The following DCHS2 variants were observed in gnomAD, a reference collection of about 807,000 sequenced individuals.
DCHS2 encodes protocadherin-23.
DCHS2 carries 142 observed loss-of-function variants against 182.4 expected under a neutral mutation model. The observed-to-expected ratio is 0.78, with a 90% CI of 0.68 to 0.89. DCHS2 has a LOEUF of 0.89. DCHS2 is among the 40% of genes least tolerant of loss of function. The probability of loss-of-function intolerance (pLI) is 0.00; values close to 1 mark genes in which losing one functional copy is unlikely to be tolerated. For missense variants in DCHS2, 4,319 were observed against 4,198.6 expected (o/e 1.03, Z -0.79); for synonymous variants, 1,740 against 1,663.3 (o/e 1.05, Z -1.12).
At chr4:154,431,409 T>C (rs1204354736) in intron 1 of DCHS2, among the ~76,000 whole-genome samples, 1 of 152,122 alleles carries the variant, frequency 6.6e-6, no homozygotes, top group African/African-American at 2.4e-5. Flanking sequence ...TAACATATAC[T>C]TTTCTCTTTT....
intron 16 of DCHS2, among the ~76,000 whole-genome samples, chr4:154,243,171 C>T (rs1298325825): frequency 6.6e-6 from 1 of 152,118 alleles, no homozygotes; most frequent in Non-Finnish European, 1.5e-5. Flanking sequence ...CTACATATTT[C>T]CATCTTACTG....
At chr4:154,412,479 C>T (rs1460890690) in intron 1 of DCHS2, among the ~76,000 whole-genome samples, 1 of 152,114 alleles carries the variant, frequency 6.6e-6, no homozygotes, top group Non-Finnish European at 1.5e-5. Context: ...AAGGATATCA[C>T]TCTGGACCCA....
At chr4:154,321,312 C>T (rs1736053930) in intron 8 of DCHS2, 90 bp from the exon 9 acceptor site, 3 of 1,304,318 alleles carry the variant, frequency 2.3e-6, no homozygotes, top group South Asian at 2.1e-5. Context: ...AAAGCAAATT[C>T]CTTCCATGTA....
chr4:154,333,211 G>A lies in DCHS2; in HGVS notation c.2997C>T (p.Tyr999=), dbSNP rs1189999039. The A allele has an allele frequency of 1.2e-6, 2 of 1,614,118 alleles. No homozygotes were observed. Among genetic ancestry groups the A allele is most frequent in the Admixed American group, 1.7e-5 (1 of 60,010 alleles). The change falls in exon 5 of 20, where the codon TAC becomes TAT. Residue 999 remains tyrosine (Y), a synonymous_variant. Coordinates refer to ENST00000357232, the MANE Select transcript of DCHS2 (RefSeq NM_001358235.2). ...SQTTPPGTAL[Y]LARAEDRDSG... ...TGTCTCTGTCTTCCGCACGTGCGAG[G>A]TACAAGGCTGTGCCAGGGGGCGTGG...
Position 154,333,013 on chromosome 4 carries a change from G to C in DCHS2, c.3195C>G (p.Ala1065=), listed in dbSNP as rs2111364428. The change falls in exon 5 of 20, where the codon GCC becomes GCG. Residue 1065 remains alanine (A), a synonymous_variant. Transcript: ENST00000357232. ...AEDQGVHPQA[A]LLVLTVVIEK... ...CGATAACGACTGTCAGCACCAGCAG[G>C]GCTGCCTGAGGATGCACGCCTTGGT... 1.9e-6 allele frequency: 3 copies of C among 1,614,170 alleles called. No individual in the cohort carries two copies. The East Asian group carries it at 6.7e-5, about 36-fold the overall frequency.
In DCHS2 at chr4:154,491,793, G is replaced by T; in HGVS notation, c.-438C>A. 2 of 989,738 alleles carry T rather than the reference G, an allele frequency of 2.0e-6. No homozygotes were observed. Among genetic ancestry groups the T allele is most frequent in the Non-Finnish European group, 2.4e-6 (2 of 833,100 alleles). 61.3% of individuals were successfully genotyped at this position (989,738 alleles called of 1,614,324 possible). A position where few individuals can be genotyped will look rare whatever the true frequency, so the allele number is the denominator to read the frequency against. On this transcript the variant is annotated 5_prime_UTR_variant, in exon 1 of 20. Coordinates refer to ENST00000357232, the MANE Select transcript of DCHS2 (RefSeq NM_001358235.2). ...GATGGGGATCTGGCCGGAGTAGGGG[G>T]TGGAGTAAGGGCGTGGAGGCAGGGA... is the stretch of plus-strand genomic sequence containing the variant.
chr4:154,349,805 T>C (rs1729525245), intron 3 of DCHS2, among the ~76,000 whole-genome samples: 1 of 152,216 alleles, frequency 6.6e-6, no homozygotes, highest in African/African-American at 2.4e-5. Context: ...AGTTGATGAA[T>C]ACTATTTAAT....
chr4:154,341,202 C>T (rs1018866110), intron 3 of DCHS2, among the ~76,000 whole-genome samples: 7 of 151,656 alleles, frequency 4.6e-5, no homozygotes, highest in Non-Finnish European at 8.8e-5. Flanking sequence ...CTCCGTCTCT[C>T]CTAAAAATAC....
chr4:154,421,840 T>A (rs1174097566), intron 1 of DCHS2, among the ~76,000 whole-genome samples: 1 of 152,220 alleles, frequency 6.6e-6, no homozygotes, highest in Admixed American at 6.5e-5. Flanking sequence ...CTCTTTCTAT[T>A]TTCTCACTTC....
rs116760263 is a variant in DCHS2 at position 154,307,796 on chromosome 4, C to G, written c.5261-2565G>C. ...TCTTTCCAGGTGTCCATAATCACCCCTCTTCCATTCAGGTCTCCTACCCGA... is the reference window on the plus strand; with the variant it reads ...TCTTTCCAGGTGTCCATAATCACCCGTCTTCCATTCAGGTCTCCTACCCGA... On this transcript the variant is annotated intron_variant, in intron 10 of 19. Coordinates refer to ENST00000357232, the MANE Select transcript of DCHS2 (RefSeq NM_001358235.2). 5.0e-3 allele frequency among the ~76,000 whole-genome samples: 768 copies of G among 152,236 alleles called. 10 individuals carry two copies. The highest frequency in any genetic ancestry group is 0.018 in the African/African-American group (738 of 41,532).
intron 13 of DCHS2, among the ~76,000 whole-genome samples, chr4:154,289,167 A>G (rs1455001954): frequency 6.6e-6 from 1 of 152,054 alleles, no homozygotes; most frequent in Admixed American, 6.6e-5. Flanking sequence ...CTTTTTGAAA[A>G]GATAAACAAA....
chr4:154,490,152 C>A lies in DCHS2; in HGVS notation c.1204G>T (p.Ala402Ser), dbSNP rs1416579626. Residue 402 changes from alanine (A) to serine (S), a missense_variant, in exon 1 of 20, where the codon GCC becomes TCC. By Grantham distance (99) the Ala-to-Ser change is moderately conservative. Coordinates refer to ENST00000357232, the MANE Select transcript of DCHS2 (RefSeq NM_001358235.2). ...PEVATVRVSI[A>S]VLDVNDNRPA... Reference sequence around the variant, plus strand: ...CGGTTGTCATTCACGTCCAGCACGGCGATGGACACGCGCACCGTGGCAACC... The same window carrying A: ...CGGTTGTCATTCACGTCCAGCACGGAGATGGACACGCGCACCGTGGCAACC... 1.3e-6 allele frequency: 2 copies of A among 1,548,684 alleles called. No individual in the cohort carries two copies. The highest frequency in any genetic ancestry group is 1.4e-5 in the African/African-American group (1 of 73,030).
At position 154,259,646 on chromosome 4, in the gene DCHS2, C is replaced by T; in HGVS notation, c.6688G>A (p.Val2230Ile). Residue 2230 changes from valine to isoleucine, a missense_variant, in exon 15 of 20, where the codon GTC becomes ATC. Coordinates refer to ENST00000357232, the MANE Select transcript of DCHS2 (RefSeq NM_001358235.2). ...TTATCATTCTCATCCTGTATCAAGA[C>T]TGCTACTTTGCAATAGGCTCTATGC... ...SGHRAYCKVA[V>I]LIQDENDNSP... The T allele has an allele frequency of 2.5e-6, 4 of 1,614,026 alleles. No homozygotes were observed. The highest frequency in any genetic ancestry group is 1.7e-5 in the Admixed American group (1 of 60,014).
intron 2 of DCHS2, among the ~76,000 whole-genome samples, chr4:154,366,734 A>G (rs1730387650): frequency 6.6e-6 from 1 of 152,290 alleles, no homozygotes; most frequent in East Asian, 1.9e-4. Context: ...ACAGCATGGT[A>G]TGTACACTTC....
chr4:154,336,974 T>G (rs1728842833), intron 3 of DCHS2, among the ~76,000 whole-genome samples: 1 of 152,204 alleles, frequency 6.6e-6, no homozygotes, highest in Non-Finnish European at 1.5e-5. Flanking sequence ...ATAAACACTC[T>G]TTATTAGAAT....
At chr4:154,253,495 T>G (rs1281971966) in intron 16 of DCHS2, among the ~76,000 whole-genome samples, 2 of 152,194 alleles carry the variant, frequency 1.3e-5, no homozygotes, top group African/African-American at 4.8e-5. Context: ...GGCAGACCTT[T>G]AATAATTCCT....
At chr4:154,425,382 T>G (rs1253852131) in intron 1 of DCHS2, among the ~76,000 whole-genome samples, 4 of 152,208 alleles carry the variant, frequency 2.6e-5, no homozygotes, top group African/African-American at 9.6e-5. Flanking sequence ...CTGAGCTGAG[T>G]GCATTTCTTC....
rs945673752 is a variant in DCHS2, at chr4:154,349,073, C to A, written c.2477-13969G>T. ...GGCAGTTAATGCTCAATAAATATTGCCAAAAGACAAAATGACAACAAATTT... is the reference window on the plus strand; with the variant it reads ...GGCAGTTAATGCTCAATAAATATTGACAAAAGACAAAATGACAACAAATTT... On this transcript the variant is annotated intron_variant, in intron 3 of 19. Transcript: ENST00000357232. Among the ~76,000 whole-genome samples, 3 of 151,992 alleles carry A rather than the reference C, an allele frequency of 2.0e-5. 1 individual carries two copies. The highest frequency in any genetic ancestry group is 7.3e-5 in the African/African-American group (3 of 41,318).
At position 154,331,893 on chromosome 4, in the gene DCHS2, T is replaced by C. The variant is rs1053472660; in HGVS notation, c.3730+585A>G. Among the ~76,000 whole-genome samples the C allele has an allele frequency of 7.9e-5, 12 of 152,330 alleles. No homozygotes were observed. In the East Asian group the frequency reaches 2.3e-3, roughly 29 times the overall value. On this transcript the variant is annotated intron_variant, in intron 5 of 19. Transcript: ENST00000357232. The stretch of plus-strand genomic sequence containing the variant: ...ACATAAATTTTAAAATATAGTGACT[T>C]TTAATCTTTAATTTCTTAATTCAGA...
Sources: allele counts gnomAD v4.1 joint callset (sites outside exome capture counted in the v4.1 genomes callset), GRCh38; gene constraint gnomAD v4.1.1; transcripts MANE v1.5; gene names NCBI Gene and HGNC (gene_info 2026-07-23, HGNC 2026-07-21).